The following MYO16 variants were observed in gnomAD, a reference collection of about 807,000 sequenced individuals.
MYO16 encodes unconventional myosin-XVI.
MYO16 carries 94 observed loss-of-function variants against 205.3 expected under a neutral mutation model. The ratio of observed to expected loss-of-function variants is 0.46; its 90% confidence interval spans 0.39 to 0.54. The LOEUF (loss-of-function observed/expected upper bound fraction) is 0.54. Among genes scored for constraint, MYO16 ranks in the 20% least tolerant of loss-of-function variants. The pLI is 0.00. For synonymous variants in MYO16, 988 were observed against 954.0 expected (o/e 1.04, Z -0.66); for missense variants, 2,315 against 2,387.5 (o/e 0.97, Z 0.63).
intron 23 of MYO16, among the ~76,000 whole-genome samples, chr13:109,038,263 T>C (rs1002113020): frequency 6.6e-6 from 1 of 152,046 alleles, no homozygotes; most frequent in Non-Finnish European, 1.5e-5. Context: ...GTCTTCGAGG[T>C]GTTTTGGGAA....
chr13:109,156,457 A>C (rs1350792580), intron 32 of MYO16, among the ~76,000 whole-genome samples: 3 of 152,144 alleles, frequency 2.0e-5, no homozygotes, highest in Non-Finnish European at 4.4e-5. Context: ...TTTAAAATGT[A>C]TTTTCACATT....
chr13:108,631,833 A>T (rs1413638202), intron 1 of MYO16, among the ~76,000 whole-genome samples: 2 of 152,174 alleles, frequency 1.3e-5, no homozygotes, highest in Non-Finnish European at 2.9e-5. Flanking sequence ...ATCCCAGAAC[A>T]TTGGGAGGCC....
intron 14 of MYO16, among the ~76,000 whole-genome samples, chr13:108,892,023 T>G (rs571310424): frequency 6.6e-6 from 1 of 152,296 alleles, no homozygotes; most frequent in African/African-American, 2.4e-5. Flanking sequence ...TTAGTATTAT[T>G]TTGCATATTT....
intron 32 of MYO16, among the ~76,000 whole-genome samples, chr13:109,146,655 G>A (rs542606768): frequency 1.3e-5 from 2 of 152,200 alleles, no homozygotes; most frequent in Admixed American, 6.5e-5. Context: ...AAAATAGCCA[G>A]GCATGGTGGC....
At chr13:108,666,546 C>T (rs1403507769) in intron 2 of MYO16, among the ~76,000 whole-genome samples, 1 of 152,006 alleles carries the variant, frequency 6.6e-6, no homozygotes, top group South Asian at 2.1e-4. Flanking sequence ...TGGTCTCGAA[C>T]TCCAGAGCTC....
the MYO16 span, among the ~76,000 whole-genome samples, chr13:108,558,330 T>G: frequency 2.0e-5 from 3 of 152,206 alleles, no homozygotes; most frequent in African/African-American, 7.2e-5. Context: ...CTTGTCCTTT[T>G]GCCTCTCATG....
intron 2 of MYO16, among the ~76,000 whole-genome samples, chr13:108,682,069 G>A (rs76792332): frequency 0.043 from 6,612 of 152,214 alleles, 219 homozygotes; most frequent in South Asian, 0.15. Flanking sequence ...CCCCCACCAC[G>A]CTCCAATTTG....
At chr13:109,054,478 A>G (rs1006150466) in intron 25 of MYO16, among the ~76,000 whole-genome samples, 3 of 152,116 alleles carry the variant, frequency 2.0e-5, no homozygotes, top group African/African-American at 7.2e-5. Context: ...GTAACATAAA[A>G]CACCATCATT....
intron 1 of MYO16, among the ~76,000 whole-genome samples, chr13:108,603,321 A>G (rs1393582969): frequency 6.6e-6 from 1 of 152,194 alleles, no homozygotes; most frequent in African/African-American, 2.4e-5. Flanking sequence ...CCTAATAGAG[A>G]TAGTGCATGT....
chr13:109,042,787 G>A (rs144389450), intron 23 of MYO16, among the ~76,000 whole-genome samples: 182 of 152,214 alleles, frequency 1.2e-3, no homozygotes, highest in African/African-American at 4.0e-3. Flanking sequence ...GAGCTTGTCT[G>A]ATATCACAAA....
chr13:108,935,060 C>A (rs530671952), intron 16 of MYO16, among the ~76,000 whole-genome samples: 2 of 152,228 alleles, frequency 1.3e-5, no homozygotes, highest in African/African-American at 4.8e-5. Flanking sequence ...TAATGTGATG[C>A]TTCTGGCTTT....
chr13:108,971,600 TTAAAA>T (rs1304342484), intron 20 of MYO16, among the ~76,000 whole-genome samples: 2 of 151,556 alleles, frequency 1.3e-5, no homozygotes, highest in Admixed American at 6.6e-5. Context: ...TATTAATACA[TTAAAA>T]TAAGTTGAGT....
chr13:108,612,787 G>A (rs1879222577), intron 1 of MYO16, among the ~76,000 whole-genome samples: 1 of 152,132 alleles, frequency 6.6e-6, no homozygotes, highest in Non-Finnish European at 1.5e-5. Flanking sequence ...CTTCAAGAGT[G>A]ATACCTAGTT....
At chr13:109,147,496 T>C (rs1438636854) in intron 32 of MYO16, among the ~76,000 whole-genome samples, 1 of 152,216 alleles carries the variant, frequency 6.6e-6, no homozygotes, top group African/African-American at 2.4e-5. Flanking sequence ...GAAACGAGAC[T>C]GAAGTATGAG....
Position 108,793,649 on chromosome 13 carries a change from A to G in MYO16, c.741+9A>G, listed in dbSNP as rs1285487385. On this transcript the variant is annotated intron_variant, in intron 6 of 34. Transcript: ENST00000457511. ...ATGAAGGAGTAACCCTGGTAAGTTC[A>G]TATATTTGACTCAGAAACTATTTGA... The G allele has an allele frequency of 1.2e-5, 19 of 1,610,622 alleles. No individual in the cohort carries two copies. Among genetic ancestry groups the G allele is most frequent in the Non-Finnish European group, 1.5e-5 (18 of 1,177,996 alleles).
At chr13:108,798,745 C>T (rs1454308703) in intron 6 of MYO16, among the ~76,000 whole-genome samples, 1 of 115,996 alleles carries the variant, frequency 8.6e-6, no homozygotes, top group Non-Finnish European at 1.7e-5. Flanking sequence ...GTCGCCCAGG[C>T]CGGACTGCGG....
chr13:108,600,852 A>G (rs1047765254), intron 1 of MYO16, among the ~76,000 whole-genome samples: 3 of 152,148 alleles, frequency 2.0e-5, no homozygotes, highest in Admixed American at 1.3e-4. Flanking sequence ...TTATTTTACT[A>G]CGGTTTTTTA....
At chr13:109,104,053 A>G (rs1368931050) in intron 28 of MYO16, among the ~76,000 whole-genome samples, 1 of 152,186 alleles carries the variant, frequency 6.6e-6, no homozygotes, top group Non-Finnish European at 1.5e-5. Flanking sequence ...GGAACGTCAC[A>G]GAGAGCCCTT....
At chr13:109,054,978 C>G in intron 25 of MYO16, 68 bp from the exon 26 acceptor site, 1 of 972,954 alleles carries the variant, frequency 1.0e-6, no homozygotes, top group South Asian at 1.6e-5. Flanking sequence ...CCCTCCTTTT[C>G]CTCCTTCTTC....
Sources: gnomAD v4.1 joint callset for allele counts (sites outside exome capture counted in the v4.1 genomes callset) on GRCh38, gnomAD v4.1.1 for gene constraint, MANE v1.5 for transcripts, NCBI Gene and HGNC (gene_info 2026-07-23, HGNC 2026-07-21) for gene names.